SHROOM4: variants seen among roughly 807,000 people sequenced by gnomAD.
SHROOM4 encodes protein Shroom4.
A neutral mutation model predicts 80.3 loss-of-function variants in SHROOM4; 17 were observed. That is an observed-to-expected ratio of 0.21 (90% CI 0.14 to 0.32). SHROOM4 has a LOEUF of 0.32. Among genes scored for constraint, SHROOM4 ranks in the 10% least tolerant of loss-of-function variants. The probability of loss-of-function intolerance (pLI) is 1.00; values close to 1 mark genes in which losing one functional copy is unlikely to be tolerated. For synonymous variants in SHROOM4, 400 were observed against 437.5 expected, an observed-to-expected ratio of 0.91 and a Z score of 1.07; for missense variants, 993 against 1,140.3, an observed-to-expected ratio of 0.87 and a Z score of 1.86.
chrX:50,722,736 A>G (rs1053489074), intron 1 of SHROOM4, among the ~76,000 whole-genome samples: 1 of 111,132 alleles, frequency 9.0e-6, no homozygotes, highest in African/African-American at 3.3e-5. Context: ...ATCTAAGAAC[A>G]GTAGATTCTG....
At chrX:50,580,952 T>C in the SHROOM4 span, among the ~76,000 whole-genome samples, 1 of 112,326 alleles carries the variant, frequency 8.9e-6, no homozygotes, top group Non-Finnish European at 1.9e-5. Flanking sequence ...TTTGATGCAA[T>C]TTAATGATGC....
At chrX:50,629,726 A>G (rs1461685540) in intron 4 of SHROOM4, among the ~76,000 whole-genome samples, 1 of 111,561 alleles carries the variant, frequency 9.0e-6, no homozygotes, top group African/African-American at 3.3e-5. Context: ...TGAATGAAAA[A>G]CAAGCTGGTA....
chrX:50,604,801 C>T (rs1929594826), intron 6 of SHROOM4, among the ~76,000 whole-genome samples: 1 of 111,510 alleles, frequency 9.0e-6, no homozygotes, highest in South Asian at 3.8e-4. Flanking sequence ...TAGTAAACAT[C>T]AAAGCAAAAA....
intron 1 of SHROOM4, among the ~76,000 whole-genome samples, chrX:50,751,403 T>C (rs1003879156): frequency 2.7e-5 from 3 of 112,309 alleles, no homozygotes; most frequent in African/African-American, 9.7e-5. Context: ...AACTCAGACA[T>C]AGCCTTGTCA....
chrX:50,802,798 C>T (rs149377833), intron 1 of SHROOM4, among the ~76,000 whole-genome samples: 3,044 of 111,726 alleles, frequency 0.027, 54 homozygotes, highest in Non-Finnish European at 0.045. Flanking sequence ...TTCCAACTTG[C>T]ATCCATTCTA....
At position 50,591,968 on chromosome X, in the gene SHROOM4, C is replaced by T. The variant is rs1249777082; in HGVS notation, c.*4727G>A. 2.1e-5 allele frequency: 7 copies of T among 327,421 alleles called. No individual in the cohort carries two copies. Among genetic ancestry groups the T allele is most frequent in the African/African-American group, 1.1e-4 (4 of 37,549 alleles). The allele number at this position is 327,421 out of a possible 1,213,427, so 27.0% of individuals were successfully genotyped here. On this transcript the variant is annotated 3_prime_UTR_variant, in exon 9 of 9. Coordinates refer to ENST00000376020, the MANE Select transcript of SHROOM4 (RefSeq NM_020717.5). Reference sequence around the variant, plus strand: ...TCCTGACCTCGTGATCCACCTGCCTCGGCCTCCCAAAGTGCTGGGATTTCA... The same window carrying T: ...TCCTGACCTCGTGATCCACCTGCCTTGGCCTCCCAAAGTGCTGGGATTTCA...
intron 5 of SHROOM4, among the ~76,000 whole-genome samples, chrX:50,610,352 TCACACACACACACA>T (rs1557249589): frequency 2.2e-5 from 2 of 91,719 alleles, no homozygotes; most frequent in Non-Finnish European, 2.1e-5. Flanking sequence ...TCTCTCTCTC[TCACACACACACACA>T]CACACACACA....
In SHROOM4 at chrX:50,594,500, A is replaced by G. The variant is rs1929012676; in HGVS notation, c.*2195T>C. ...TCATAAACTTAAGGTACAACCAATC[A>G]CATGCTGACTAGAAAAACTCAAGAC... On this transcript the variant is annotated 3_prime_UTR_variant, in exon 9 of 9. Coordinates refer to ENST00000376020, the MANE Select transcript of SHROOM4 (RefSeq NM_020717.5). The G allele has an allele frequency of 8.9e-6, 1 of 111,828 alleles. No homozygotes were observed. The highest frequency in any genetic ancestry group is 1.9e-5 in the Non-Finnish European group (1 of 53,195). The allele number at this position is 111,828 out of a possible 1,213,427, so 9.2% of individuals were successfully genotyped here. A position where few individuals can be genotyped will look rare whatever the true frequency, so the allele number is the denominator to read the frequency against.
intron 1 of SHROOM4, among the ~76,000 whole-genome samples, chrX:50,705,618 A>T (rs1933650302): frequency 9.0e-6 from 1 of 110,716 alleles, no homozygotes; most frequent in African/African-American, 3.3e-5. Context: ...CAACCTTGGC[A>T]CTGACGGTGT....
At chrX:50,623,155 CT>C (rs1248179350) in intron 5 of SHROOM4, among the ~76,000 whole-genome samples, 10 of 111,929 alleles carry the variant, frequency 8.9e-5, no homozygotes, top group Admixed American at 5.7e-4. Flanking sequence ...CTTTTCCTAG[CT>C]AATTTACTAT....
chrX:50,688,027 T>C (rs1239350751), intron 2 of SHROOM4, among the ~76,000 whole-genome samples: 2 of 110,840 alleles, frequency 1.8e-5, no homozygotes, highest in African/African-American at 6.6e-5. Flanking sequence ...CATTTTTTTT[T>C]CCTCTATAGA....
intron 2 of SHROOM4, among the ~76,000 whole-genome samples, chrX:50,676,325 G>C (rs782235572): frequency 4.5e-5 from 5 of 110,092 alleles, no homozygotes; most frequent in Non-Finnish European, 9.5e-5. Context: ...CTTGAAAGCA[G>C]TTATTAAATC....
At chrX:50,759,700 A>T (rs2147623010) in intron 1 of SHROOM4, among the ~76,000 whole-genome samples, 1 of 111,744 alleles carries the variant, frequency 8.9e-6, no homozygotes, top group South Asian at 3.8e-4. Context: ...AGGCATTTAC[A>T]GCTTCAAATT....
chrX:50,780,043 T>A (rs1200429195), intron 1 of SHROOM4, among the ~76,000 whole-genome samples: 1 of 111,573 alleles, frequency 9.0e-6, no homozygotes, highest in Non-Finnish European at 1.9e-5. Context: ...TGTTAGGTAA[T>A]AAATCCCTTG....
intron 2 of SHROOM4, among the ~76,000 whole-genome samples, chrX:50,659,286 C>T (rs1429628487): frequency 7.2e-5 from 8 of 111,251 alleles, no homozygotes; most frequent in African/African-American, 2.6e-4. Flanking sequence ...GCAGGTGGAT[C>T]AGAGAGGAAA....
the SHROOM4 span, among the ~76,000 whole-genome samples, chrX:50,576,900 CT>C: frequency 2.7e-5 from 3 of 111,461 alleles, no homozygotes; most frequent in African/African-American, 9.8e-5. Context: ...CAAATATTTC[CT>C]CTGTATACAT....
chrX:50,786,001 A>C (rs782322784), intron 1 of SHROOM4, among the ~76,000 whole-genome samples: 1 of 111,642 alleles, frequency 9.0e-6, no homozygotes, highest in Non-Finnish European at 1.9e-5. Context: ...TTCAACAACA[A>C]AATATAGACA....
At chrX:50,743,771 C>A (rs948876474) in intron 1 of SHROOM4, among the ~76,000 whole-genome samples, 23 of 112,072 alleles carry the variant, frequency 2.1e-4, no homozygotes, top group African/African-American at 7.5e-4. Flanking sequence ...TGAAATATTT[C>A]TTTCCGTTTT....
intron 1 of SHROOM4, among the ~76,000 whole-genome samples, chrX:50,789,494 C>T (rs1557271357): frequency 9.0e-6 from 1 of 110,567 alleles, no homozygotes; most frequent in African/African-American, 3.3e-5. Flanking sequence ...TGGAATGCAG[C>T]AAAATCAGTA....
Sources: gnomAD v4.1 joint callset for allele counts (sites outside exome capture counted in the v4.1 genomes callset) on GRCh38, gnomAD v4.1.1 for gene constraint, MANE v1.5 for transcripts, NCBI Gene and HGNC (gene_info 2026-07-23, HGNC 2026-07-21) for gene names.